The following MYH15 variants were observed in gnomAD, a reference collection of about 807,000 sequenced individuals.
MYH15 encodes myosin-15.
MYH15 carries 227 observed loss-of-function variants against 240.5 expected under a neutral mutation model. That is an observed-to-expected ratio of 0.94 (90% CI 0.85 to 1.05). MYH15 has a LOEUF of 1.05. Ranked by LOEUF, MYH15 falls within the 50% of genes least tolerant of loss-of-function variation. The pLI is 0.00. For synonymous variants in MYH15, 785 were observed against 796.7 expected (o/e 0.99, Z 0.25); for missense variants, 2,217 against 2,247.5 (o/e 0.99, Z 0.27).
chr3:108,392,033 G>T, intron 36 of MYH15, 103 bp from the exon 37 acceptor site: 1 of 1,271,736 alleles, frequency 7.9e-7, no homozygotes, highest in Non-Finnish European at 1.1e-6. Flanking sequence ...GCCACGCCTT[G>T]CCTCTATGTA....
At chr3:108,382,592 T>C (rs1403220331) in intron 40 of MYH15, among the ~76,000 whole-genome samples, 1 of 152,120 alleles carries the variant, frequency 6.6e-6, no homozygotes, top group Non-Finnish European at 1.5e-5. Flanking sequence ...CTTTCCATAG[T>C]AGACACATGT....
intron 12 of MYH15, among the ~76,000 whole-genome samples, chr3:108,471,068 G>GGAGGAAGA (rs1553770222): frequency 3.0e-4 from 42 of 141,884 alleles, no homozygotes; most frequent in Admixed American, 8.0e-4. Context: ...AGGAAGGGAG[G>GGAGGAAGA]GAGGGAGGAA....
chr3:108,542,881 C>CT, the MYH15 span, among the ~76,000 whole-genome samples: 45,287 of 133,162 alleles, frequency 0.34, 8,507 homozygotes, highest in African/African-American at 0.39. Flanking sequence ...GATCTCGTTC[C>CT]TTTTTTTTTT....
At chr3:108,393,777 A>G (rs972074246) in intron 36 of MYH15, among the ~76,000 whole-genome samples, 2 of 151,812 alleles carry the variant, frequency 1.3e-5, no homozygotes, top group East Asian at 3.9e-4. Context: ...ACAAAAGAAG[A>G]CTCCTGCTTT....
intron 31 of MYH15, among the ~76,000 whole-genome samples, chr3:108,409,403 C>T (rs545434919): frequency 6.6e-6 from 1 of 152,342 alleles, no homozygotes; most frequent in Non-Finnish European, 1.5e-5. Context: ...CAGCACCGGC[C>T]TCACCTGGAA....
intron 31 of MYH15, among the ~76,000 whole-genome samples, chr3:108,409,853 A>C (rs941865147): frequency 6.6e-6 from 1 of 152,212 alleles, no homozygotes; most frequent in Non-Finnish European, 1.5e-5. Flanking sequence ...CATATTTGTG[A>C]ATAATTGGAT....
At chr3:108,412,153 G>T (rs1316054825) in intron 30 of MYH15, among the ~76,000 whole-genome samples, 2 of 152,178 alleles carry the variant, frequency 1.3e-5, no homozygotes, top group African/African-American at 4.8e-5. Flanking sequence ...ATATGGTTTG[G>T]CTGTGTCCCC....
intron 27 of MYH15, among the ~76,000 whole-genome samples, chr3:108,422,065 G>A (rs1489846168): frequency 6.6e-6 from 1 of 152,100 alleles, no homozygotes; most frequent in Non-Finnish European, 1.5e-5. Flanking sequence ...TGTAAGATGA[G>A]GTATCCCCTT....
chr3:108,408,155 A>G, intron 32 of MYH15, 125 bp downstream of exon 32: 4 of 1,051,942 alleles, frequency 3.8e-6, no homozygotes, highest in Non-Finnish European at 5.4e-6. Flanking sequence ...CATTTGGCAG[A>G]GTGCCTAGCA....
Position 108,503,120 on chromosome 3 carries a change from T to G in MYH15, c.196-1265A>C, listed in dbSNP as rs371966959. On this transcript the variant is annotated intron_variant, in intron 2 of 40. Transcript: ENST00000693548. The stretch of plus-strand genomic sequence containing the variant: ...CCTGGAGCCAGGGAGATAGTGAAGC[T>G]GGGGGAATGGGACCTTCATTACATC... Among the ~76,000 whole-genome samples, 7 of 151,456 alleles carry G rather than the reference T, an allele frequency of 4.6e-5. No individual in the cohort carries two copies. In the East Asian group the frequency reaches 1.2e-3, roughly 25 times the overall value.
intron 16 of MYH15, among the ~76,000 whole-genome samples, chr3:108,460,815 T>A (rs2083065685): frequency 6.6e-6 from 1 of 152,160 alleles, no homozygotes; most frequent in South Asian, 2.1e-4. Context: ...ACCCTGAGTA[T>A]GTATACATGT....
rs77477335 is a variant in MYH15 at position 108,435,974 on chromosome 3, T to C, written c.3221+1580A>G. Among the ~76,000 whole-genome samples the C allele has an allele frequency of 5.1e-3, 769 of 152,204 alleles. 4 individuals are homozygous for C. The highest frequency in any genetic ancestry group is 0.011 in the South Asian group (51 of 4,820). On this transcript the variant is annotated intron_variant, in intron 25 of 40. Transcript: ENST00000693548. Reference sequence around the variant, plus strand: ...ATGGTTTTATGGCTTTGTTTTGACATTGAGTTCATTAGTGCAACTGAAGTT... The same window carrying C: ...ATGGTTTTATGGCTTTGTTTTGACACTGAGTTCATTAGTGCAACTGAAGTT...
At chr3:108,404,282 G>C (rs966524166) in intron 33 of MYH15, among the ~76,000 whole-genome samples, 3 of 152,110 alleles carry the variant, frequency 2.0e-5, no homozygotes, top group Admixed American at 6.6e-5. Context: ...CTGTGGGAAA[G>C]AGGTCAGTTC....
intron 32 of MYH15, among the ~76,000 whole-genome samples, chr3:108,406,820 C>T (rs1172509103): frequency 6.6e-6 from 1 of 152,174 alleles, no homozygotes; most frequent in Non-Finnish European, 1.5e-5. Flanking sequence ...CATTCTCACC[C>T]TTGACCCACG....
chr3:108,536,775 A>G, the MYH15 span, among the ~76,000 whole-genome samples: 2 of 152,210 alleles, frequency 1.3e-5, no homozygotes. Context: ...ACTATATTAG[A>G]ATGTACACTT....
chr3:108,502,508 G>T (rs1439166934), intron 2 of MYH15, among the ~76,000 whole-genome samples: 1 of 151,992 alleles, frequency 6.6e-6, no homozygotes, highest in Non-Finnish European at 1.5e-5. Context: ...GTTCATTTTT[G>T]ATGTTGTTGT....
intron 12 of MYH15, among the ~76,000 whole-genome samples, chr3:108,473,635 C>G (rs2083195518): frequency 6.6e-6 from 1 of 152,118 alleles, no homozygotes; most frequent in African/African-American, 2.4e-5. Flanking sequence ...ATGAGATAAT[C>G]CATACAAAGC....
chr3:108,523,935 T>C (rs909961431), intron 1 of MYH15, among the ~76,000 whole-genome samples: 6 of 151,976 alleles, frequency 3.9e-5, no homozygotes, highest in African/African-American at 1.4e-4. Context: ...CATCATACCA[T>C]ATGTATCATA....
chr3:108,418,366 T>C (rs2082651712), intron 28 of MYH15, among the ~76,000 whole-genome samples: 2 of 152,226 alleles, frequency 1.3e-5, no homozygotes, highest in Non-Finnish European at 2.9e-5. Flanking sequence ...TGAAACTGAC[T>C]TTTTAAAAAA....
Sources: gnomAD v4.1 joint callset for allele counts (sites outside exome capture counted in the v4.1 genomes callset) on GRCh38, gnomAD v4.1.1 for gene constraint, MANE v1.5 for transcripts, NCBI Gene and HGNC (gene_info 2026-07-23, HGNC 2026-07-21) for gene names.